Variants in CCSER1 observed in about 807,000 individuals in gnomAD.
CCSER1 encodes coiled-coil serine rich protein 1.
CCSER1 carries 41 observed loss-of-function variants against 82.0 expected under a neutral mutation model. The ratio of observed to expected loss-of-function variants is 0.50; its 90% CI spans 0.39 to 0.65. The LOEUF (loss-of-function observed/expected upper bound fraction) is 0.65. Ranked by LOEUF, CCSER1 falls within the 30% of genes least tolerant of loss-of-function variation. CCSER1 has a pLI of 0.00. For missense variants in CCSER1, 1,119 were observed against 1,064.2 expected (o/e 1.05, Z -0.72); for synonymous variants, 414 against 383.9 (o/e 1.08, Z -0.92).
At chr4:90,983,692 T>G (rs1736328719) in intron 9 of CCSER1, among the ~76,000 whole-genome samples, 2 of 151,192 alleles carry the variant, frequency 1.3e-5, no homozygotes, top group Non-Finnish European at 3.0e-5. Flanking sequence ...GGGAAGGGAG[T>G]AGAAATTATG....
intron 4 of CCSER1, among the ~76,000 whole-genome samples, chr4:90,423,283 T>A (rs1258893596): frequency 6.6e-6 from 1 of 152,198 alleles, no homozygotes; most frequent in Non-Finnish European, 1.5e-5. Context: ...TAGAGTGCAG[T>A]GGCGTCATCT....
intron 3 of CCSER1, among the ~76,000 whole-genome samples, chr4:90,381,301 C>G (rs1201788429): frequency 6.6e-6 from 1 of 152,112 alleles, no homozygotes; most frequent in Admixed American, 6.6e-5. Context: ...GATGTAAAGA[C>G]TTTTTAATTT....
At chr4:90,937,379 C>T (rs959725409) in intron 9 of CCSER1, among the ~76,000 whole-genome samples, 1 of 151,986 alleles carries the variant, frequency 6.6e-6, no homozygotes, top group Admixed American at 6.6e-5. Context: ...TTGGTCTTGT[C>T]ATGTTACACA....
chr4:90,309,137 G>T lies in CCSER1; in HGVS notation c.853G>T (p.Asp285Tyr). ...AAGTGGAAGCATGGCATCCCACTGT[G>T]ACAACTTTGGCCACAATGATTCTAC... The part of the protein sequence containing the change: ...SKSGSMASHC[D>Y]NFGHNDSTSQ... The change falls in exon 2 of 11, where the codon GAC becomes TAC. Residue 285 changes from aspartate to tyrosine, a missense_variant. Physicochemically the swap from Asp to Tyr is radical, Grantham distance 160. Transcript: ENST00000509176. 1 of 1,613,894 alleles carries T rather than the reference G, an allele frequency of 6.2e-7. No individual in the cohort carries two copies. Among genetic ancestry groups the T allele is most frequent in the Non-Finnish European group, 8.5e-7 (1 of 1,179,838 alleles).
At chr4:90,786,258 T>C (rs1221168848) in intron 7 of CCSER1, among the ~76,000 whole-genome samples, 1 of 152,198 alleles carries the variant, frequency 6.6e-6, no homozygotes, top group African/African-American at 2.4e-5. Context: ...TAGAAACTAC[T>C]GTGGTGAACT....
chr4:90,465,393 T>G (rs1763495910), intron 4 of CCSER1, among the ~76,000 whole-genome samples: 1 of 150,546 alleles, frequency 6.6e-6, no homozygotes, highest in Non-Finnish European at 1.5e-5. Context: ...TGATCTCGGC[T>G]CACTGCAACC....
At chr4:91,506,908 T>A (rs1347881510) in intron 10 of CCSER1, among the ~76,000 whole-genome samples, 3 of 152,176 alleles carry the variant, frequency 2.0e-5, no homozygotes, top group Non-Finnish European at 4.4e-5. Flanking sequence ...GTAGTTTTTG[T>A]GACCATCACT....
chr4:90,485,828 T>TAAG (rs1766944550), intron 5 of CCSER1, among the ~76,000 whole-genome samples: 1 of 152,172 alleles, frequency 6.6e-6, no homozygotes, highest in African/African-American at 2.4e-5. Context: ...GTTAGTTTGC[T>TAAG]AAGGATAATT....
At chr4:91,538,703 A>AT (rs371252109) in intron 10 of CCSER1, among the ~76,000 whole-genome samples, 21 of 137,846 alleles carry the variant, frequency 1.5e-4, no homozygotes, top group South Asian at 4.4e-4. Context: ...ATACACATAT[A>AT]TATATATAAT....
intron 10 of CCSER1, among the ~76,000 whole-genome samples, chr4:91,185,444 A>G (rs902847057): frequency 9.9e-5 from 15 of 152,192 alleles, no homozygotes; most frequent in Middle Eastern, 3.2e-3. Flanking sequence ...AGGGTCCTCC[A>G]CAGACTCCTG....
At chr4:90,491,187 G>C (rs1379106077) in intron 5 of CCSER1, among the ~76,000 whole-genome samples, 1 of 150,858 alleles carries the variant, frequency 6.6e-6, no homozygotes, top group Non-Finnish European at 1.5e-5. Flanking sequence ...GTGTCGTCTT[G>C]TTTCCTTGAG....
intron 10 of CCSER1, among the ~76,000 whole-genome samples, chr4:91,121,288 A>C (rs1727069204): frequency 6.6e-6 from 1 of 151,784 alleles, no homozygotes; most frequent in African/African-American, 2.4e-5. Context: ...ATAATGAAAA[A>C]TGATTTATTT....
intron 6 of CCSER1, among the ~76,000 whole-genome samples, chr4:90,686,252 A>G (rs1734801092): frequency 6.6e-6 from 1 of 152,066 alleles, no homozygotes; most frequent in East Asian, 1.9e-4. Flanking sequence ...TTATCATTTA[A>G]TGACCTCTGC....
intron 10 of CCSER1, among the ~76,000 whole-genome samples, chr4:91,369,134 T>C (rs1333489754): frequency 1.3e-5 from 2 of 152,160 alleles, no homozygotes; most frequent in Non-Finnish European, 2.9e-5. Context: ...GTTTGGACAA[T>C]GGAATGTGAA....
At chr4:90,214,159 A>C (rs1370260731) in intron 1 of CCSER1, among the ~76,000 whole-genome samples, 1 of 152,140 alleles carries the variant, frequency 6.6e-6, no homozygotes. Flanking sequence ...CAGTGCAAAT[A>C]TGGGAGAGCT....
At chr4:91,509,706 C>G (rs1759717149) in intron 10 of CCSER1, among the ~76,000 whole-genome samples, 1 of 151,938 alleles carries the variant, frequency 6.6e-6, no homozygotes, top group Admixed American at 6.6e-5. Context: ...CCCTTAAATT[C>G]TTTCAGTTTT....
chr4:91,596,880 G>A (rs544786158), intron 10 of CCSER1, among the ~76,000 whole-genome samples: 1 of 151,718 alleles, frequency 6.6e-6, no homozygotes, highest in African/African-American at 2.4e-5. Context: ...CAATAAAAAG[G>A]AAAGATGACA....
chr4:90,721,690 G>A (rs561366184), intron 6 of CCSER1, among the ~76,000 whole-genome samples: 1 of 151,506 alleles, frequency 6.6e-6, no homozygotes, highest in African/African-American at 2.4e-5. Flanking sequence ...ATATGGATAA[G>A]ACTTATCTTC....
intron 9 of CCSER1, among the ~76,000 whole-genome samples, chr4:91,007,764 C>A (rs1178588962): frequency 2.1e-5 from 3 of 144,024 alleles, no homozygotes; most frequent in Non-Finnish European, 3.1e-5. Context: ...TTTACTATTT[C>A]TTTCCTTTTA....
Sources: gnomAD v4.1 joint callset for allele counts (sites outside exome capture counted in the v4.1 genomes callset) on GRCh38, gnomAD v4.1.1 for gene constraint, MANE v1.5 for transcripts, NCBI Gene and HGNC (gene_info 2026-07-23, HGNC 2026-07-21) for gene names.